MYH10: variants seen among roughly 807,000 people sequenced by gnomAD.
The protein encoded by MYH10 is myosin-10.
Under a neutral mutation model 257.8 loss-of-function variants are expected in MYH10, and 55 were observed. The ratio of observed to expected loss-of-function variants is 0.21; its 90% CI spans 0.17 to 0.27. MYH10 has a LOEUF of 0.27. Among genes scored for constraint, MYH10 ranks in the 10% least tolerant of loss-of-function variants. MYH10 has a pLI of 1.00. For synonymous variants in MYH10, 854 were observed against 921.7 expected, an observed-to-expected ratio of 0.93 and a Z score of 1.33; for missense variants, 1,631 against 2,500.6, an observed-to-expected ratio of 0.65 and a Z score of 7.42.
At chr17:8,614,235 AG>A (rs1403037263) in intron 2 of MYH10, among the ~76,000 whole-genome samples, 8 of 151,278 alleles carry the variant, frequency 5.3e-5, no homozygotes, top group African/African-American at 1.9e-4. Context: ...TATTTGACCA[AG>A]GGGGGAATCT....
At chr17:8,554,065 C>T in intron 7 of MYH10, 47 bp from the exon 8 acceptor site, 1 of 1,319,654 alleles carries the variant, frequency 7.6e-7, no homozygotes, top group African/African-American at 1.5e-5. Flanking sequence ...TAAGTACATA[C>T]TGGATATGAA....
At chr17:8,613,359 T>G (rs2085118310) in intron 2 of MYH10, among the ~76,000 whole-genome samples, 1 of 151,964 alleles carries the variant, frequency 6.6e-6, no homozygotes, top group Non-Finnish European at 1.5e-5. Context: ...TAAATGAATA[T>G]CGACAGTATT....
chr17:8,593,452 A>G lies in MYH10; in HGVS notation c.503-4344T>C, dbSNP rs373504775. 1.7e-3 allele frequency among the ~76,000 whole-genome samples: 257 copies of G among 151,432 alleles called. 1 individual carries two copies. Among genetic ancestry groups the G allele is most frequent in the African/African-American group, 5.9e-3 (243 of 41,282 alleles). On this transcript the variant is annotated intron_variant, in intron 3 of 42. Coordinates refer to ENST00000360416, the MANE Select transcript of MYH10 (RefSeq NM_001256012.3). ...AACAAACAAACAAACAAACAAAAAA[A>G]CCCTTTCAGACTAAGTTTAGCAAGG...
At chr17:8,573,940 A>AC (rs1431182216) in intron 6 of MYH10, 2 of 385,462 alleles carry the variant, frequency 5.2e-6, no homozygotes, top group Admixed American at 6.4e-5. Context: ...TGGAACTCTC[A>AC]CATGTTCCTG....
chr17:8,556,606 G>A (rs1567895743), intron 7 of MYH10, among the ~76,000 whole-genome samples: 1 of 152,230 alleles, frequency 6.6e-6, no homozygotes, highest in Non-Finnish European at 1.5e-5. Flanking sequence ...GGTTTCAGGG[G>A]CAGGGGCAGG....
chr17:8,561,562 C>T lies in MYH10; in HGVS notation c.757-7544G>A, dbSNP rs185865037. On this transcript the variant is annotated intron_variant, in intron 7 of 42. Transcript: ENST00000360416. Reference sequence around the variant, plus strand: ...TGCGGGTGCTGCCCCATGTCTCCCACCAAAGCCCATGTAAGGAGCTGAGTT... The same window carrying T: ...TGCGGGTGCTGCCCCATGTCTCCCATCAAAGCCCATGTAAGGAGCTGAGTT... The T allele has an allele frequency of 4.8e-4, 460 of 961,368 alleles. 1 individual carries two copies. The highest frequency in any genetic ancestry group is 5.7e-4 in the Non-Finnish European group (343 of 598,344). The allele number at this position is 961,368 out of a possible 1,614,324, so 59.6% of individuals were successfully genotyped here.
intron 36 of MYH10, among the ~76,000 whole-genome samples, chr17:8,487,007 C>G (rs1914926142): frequency 6.6e-6 from 1 of 152,196 alleles, no homozygotes; most frequent in Non-Finnish European, 1.5e-5. Flanking sequence ...TGCCTGCCTG[C>G]TCACACCATG....
chr17:8,630,017 G>A (rs1008331730), intron 1 of MYH10, among the ~76,000 whole-genome samples: 4 of 151,670 alleles, frequency 2.6e-5, no homozygotes, highest in African/African-American at 9.7e-5. Flanking sequence ...TCGGGCGCGC[G>A]CCGCCCGCCT....
chr17:8,523,828 G>A (rs1167167303), intron 17 of MYH10, among the ~76,000 whole-genome samples: 1 of 152,212 alleles, frequency 6.6e-6, no homozygotes. Context: ...TGCAAAGTGA[G>A]GCAGAGGAGC....
At chr17:8,554,552 TTACTA>T (rs2082729444) in intron 7 of MYH10, among the ~76,000 whole-genome samples, 1 of 152,232 alleles carries the variant, frequency 6.6e-6, no homozygotes, top group Non-Finnish European at 1.5e-5. Flanking sequence ...TTTGATTTCT[TTACTA>T]TACATAACTG....
rs1226294865 is a variant in MYH10 at position 8,506,107 on chromosome 17, A to C, written c.3386+211T>G. 17 of 453,288 alleles carry C rather than the reference A, an allele frequency of 3.8e-5. No individual in the cohort carries two copies. Among genetic ancestry groups the C allele is most frequent in the Non-Finnish European group, 6.5e-5 (17 of 262,980 alleles). 28.1% of individuals were successfully genotyped at this position (453,288 alleles called of 1,614,324 possible). A position where few individuals can be genotyped will look rare whatever the true frequency, so the allele number is the denominator to read the frequency against. On this transcript the variant is annotated intron_variant, in intron 27 of 42. Coordinates refer to ENST00000360416, the MANE Select transcript of MYH10 (RefSeq NM_001256012.3). The surrounding 1 kb of genome is among the most constrained non-coding windows in gnomAD (Gnocchi z 5.0). ...GTTTCATAATATAATTTGTCATTTT[A>C]AAGTATAAATATTGAGATGGTTTAT... is the stretch of plus-strand genomic sequence containing the variant.
chr17:8,596,908 G>C (rs888391313), intron 3 of MYH10, among the ~76,000 whole-genome samples: 3 of 152,064 alleles, frequency 2.0e-5, no homozygotes, highest in African/African-American at 7.2e-5. Flanking sequence ...TACAACCAAG[G>C]AAAGAAGCAA....
rs887008073 is a variant in MYH10, at chr17:8,507,009, C to T, written c.3215-520G>A. On this transcript the variant is annotated intron_variant, in intron 26 of 42. Coordinates refer to ENST00000360416, the MANE Select transcript of MYH10 (RefSeq NM_001256012.3). ...CCCCTCTAAAATTCTGCAGTGATCT[C>T]TCAGTTAGCCCTAGTGATCTATTTC... Among the ~76,000 whole-genome samples the T allele has an allele frequency of 2.0e-5, 3 of 152,236 alleles. 1 individual carries two copies. The East Asian group carries it at 5.8e-4, about 29-fold the overall frequency.
At chr17:8,557,935 T>C (rs2082862073) in intron 7 of MYH10, among the ~76,000 whole-genome samples, 2 of 152,174 alleles carry the variant, frequency 1.3e-5, no homozygotes, top group African/African-American at 4.8e-5. Context: ...AGATACTGAT[T>C]TTATGCCATC....
rs138913628 is a variant in MYH10 at position 8,588,866 on chromosome 17, T to A, written c.530+215A>T. ...GAACTAAAGATGTAAGTTTCACAGATTAACATTATAAAATGTGTGAAAAGC... is the reference window on the plus strand; with the variant it reads ...GAACTAAAGATGTAAGTTTCACAGAATAACATTATAAAATGTGTGAAAAGC... On this transcript the variant is annotated intron_variant, in intron 4 of 42. Transcript: ENST00000360416. 1.8e-3 allele frequency among the ~76,000 whole-genome samples: 277 copies of A among 152,342 alleles called. 2 individuals are homozygous for A. Among genetic ancestry groups the A allele is most frequent in the African/African-American group, 6.3e-3 (260 of 41,578 alleles).
rs1166703733 is a variant in MYH10 at position 8,520,900 on chromosome 17, C to T, written c.2251G>A (p.Val751Ile). The T allele has an allele frequency of 1.9e-6, 3 of 1,612,126 alleles. No homozygotes were observed. Among genetic ancestry groups the T allele is most frequent in the Non-Finnish European group, 2.5e-6 (3 of 1,179,158 alleles). Residue 751 changes from valine to isoleucine, a missense_variant, in exon 19 of 43, where the codon GTT becomes ATT. Coordinates refer to ENST00000360416, the MANE Select transcript of MYH10 (RefSeq NM_001256012.3). ...TACCTCTGTCTGAATTCCTGGAAAA[C>T]TATTCGGTTAGGGAAGCCCTGGCGA... The part of the protein sequence containing the change: ...ICRQGFPNRI[V>I]FQEFRQRYEI...
At position 8,509,923 on chromosome 17, in the gene MYH10, C is replaced by T. The variant is rs2081203340; in HGVS notation, c.2979G>A (p.Glu993=). 6.2e-7 allele frequency: 1 copy of T among 1,612,554 alleles called. No homozygotes were observed. Among genetic ancestry groups the T allele is most frequent in the Non-Finnish European group, 8.5e-7 (1 of 1,179,266 alleles). The stretch of plus-strand genomic sequence containing the variant: ...GCTGCAGCTTTTGCCGAGCCCCTTC[C>T]TCCTCGTCTAGCTGTTCTTCCAGGT... ...IQDLEEQLDE[E]EGARQKLQLE... is the part of the protein sequence containing the mutation. Residue 993 remains glutamate, a synonymous_variant, in exon 25 of 43, where the codon GAG becomes GAA. Transcript: ENST00000360416.
At chr17:8,507,281 A>G (rs2081102225) in intron 26 of MYH10, among the ~76,000 whole-genome samples, 1 of 152,200 alleles carries the variant, frequency 6.6e-6, no homozygotes, top group African/African-American at 2.4e-5. Context: ...AAAACCCCAA[A>G]TATTTTTTAA....
chr17:8,590,753 T>C (rs1253683424), intron 3 of MYH10, among the ~76,000 whole-genome samples: 1 of 152,110 alleles, frequency 6.6e-6, no homozygotes, highest in Non-Finnish European at 1.5e-5. Context: ...TCTTCCAACA[T>C]ACTCTTCCTA....
Sources: allele counts gnomAD v4.1 joint callset (sites outside exome capture counted in the v4.1 genomes callset), GRCh38; gene constraint gnomAD v4.1.1; non-coding constraint Gnocchi (gnomAD v3.1); transcripts MANE v1.5; gene names NCBI Gene and HGNC (gene_info 2026-07-23, HGNC 2026-07-21).